CDC14A: variants seen among roughly 807,000 people sequenced by gnomAD.
CDC14A encodes dual specificity protein phosphatase CDC14A.
CDC14A carries 53 observed loss-of-function variants against 74.4 expected under a neutral mutation model. The observed-to-expected ratio is 0.71, with a 90% CI of 0.57 to 0.89. CDC14A has a LOEUF of 0.89. CDC14A is among the 40% of genes least tolerant of loss of function. The probability of loss-of-function intolerance (pLI) is 0.00; values close to 1 mark genes in which losing one functional copy is unlikely to be tolerated. For synonymous variants in CDC14A, 247 were observed against 258.4 expected (o/e 0.96, Z 0.43); for missense variants, 646 against 713.7 (o/e 0.91, Z 1.08).
chr1:100,423,094 TA>T (rs1241122797), intron 4 of CDC14A, among the ~76,000 whole-genome samples: 1 of 152,172 alleles, frequency 6.6e-6, no homozygotes, highest in Non-Finnish European at 1.5e-5. Flanking sequence ...GGCTCAGAAT[TA>T]AAAAATTAAA....
At chr1:100,367,018 A>G (rs1175140058) in intron 2 of CDC14A, among the ~76,000 whole-genome samples, 1 of 152,194 alleles carries the variant, frequency 6.6e-6, no homozygotes, top group African/African-American at 2.4e-5. Context: ...CTGCCAAGAC[A>G]AAGTGGGGAC....
chr1:100,412,722 A>ATT lies in CDC14A; in HGVS notation c.310-11497_310-11496dup, dbSNP rs1334139293. Among the ~76,000 whole-genome samples, 5 of 73,908 alleles carry ATT rather than the reference A, an allele frequency of 6.8e-5. No individual in the cohort carries two copies. The East Asian group carries it at 1.1e-3, about 17-fold the overall frequency. The allele number at this position is 73,908 out of a possible 152,430, so 48.5% of individuals were successfully genotyped here. ...TATATATATATATATATATATATAT[A>ATT]TTTTATATATATATATTTTATATAT... is the stretch of plus-strand genomic sequence containing the variant. On this transcript the variant is annotated intron_variant, in intron 4 of 15. Transcript: ENST00000336454.
intron 15 of CDC14A, among the ~76,000 whole-genome samples, chr1:100,511,388 G>A (rs539604658): frequency 2.6e-4 from 40 of 152,302 alleles, no homozygotes; most frequent in African/African-American, 9.4e-4. Context: ...CTCTCCCGCA[G>A]ATTACTGCCG....
intron 7 of CDC14A, among the ~76,000 whole-genome samples, chr1:100,447,834 G>T (rs778685386): frequency 3.9e-5 from 6 of 152,060 alleles, no homozygotes; most frequent in Non-Finnish European, 8.8e-5. Flanking sequence ...GTTTTTTTGG[G>T]GGGTAGCTGT....
chr1:100,450,686 C>A (rs1666047920), intron 7 of CDC14A, among the ~76,000 whole-genome samples: 1 of 152,206 alleles, frequency 6.6e-6, no homozygotes, highest in African/African-American at 2.4e-5. Flanking sequence ...TCTGTTACAC[C>A]CATTGCTGGT....
intron 4 of CDC14A, among the ~76,000 whole-genome samples, chr1:100,403,795 G>A (rs967537153): frequency 1.3e-5 from 2 of 152,194 alleles, no homozygotes; most frequent in Non-Finnish European, 2.9e-5. Flanking sequence ...CCTGTAGCTA[G>A]GTCAACGTTG....
chr1:100,479,462 T>C (rs998324205), intron 10 of CDC14A, among the ~76,000 whole-genome samples: 3 of 152,216 alleles, frequency 2.0e-5, no homozygotes, highest in Admixed American at 6.5e-5. Context: ...TAGTCCGTTA[T>C]ATTCACTCTG....
chr1:100,412,695 TTTATATATATATATATATATATA>T (rs1660870842), intron 4 of CDC14A, among the ~76,000 whole-genome samples: 1 of 64,268 alleles, frequency 1.6e-5, no homozygotes, highest in African/African-American at 1.2e-4. Context: ...TCCTGTATGT[TTTATATATATATATATATATATA>T]TATATTTTAT....
intron 4 of CDC14A, among the ~76,000 whole-genome samples, chr1:100,412,712 A>ATATTTTATATATATATATATATAT (rs1553178952): frequency 9.8e-6 from 1 of 102,464 alleles, no homozygotes; most frequent in African/African-American, 6.1e-5. Flanking sequence ...ATATATATAT[A>ATATTTTATATATATATATATATAT]TATATATATA....
chr1:100,349,012 T>C (rs982540642), upstream of CDC14A, among the ~76,000 whole-genome samples: 3 of 152,152 alleles, frequency 2.0e-5, no homozygotes, highest in Admixed American at 6.6e-5. Flanking sequence ...CTGGCCAACA[T>C]AGTGAAATCC....
At chr1:100,483,180 A>G (rs1488459940) in intron 10 of CDC14A, among the ~76,000 whole-genome samples, 1 of 152,058 alleles carries the variant, frequency 6.6e-6, no homozygotes, top group African/African-American at 2.4e-5. Context: ...GCTTTCCACA[A>G]TGGTTGAACT....
At chr1:100,364,947 C>A (rs1364750551) in intron 2 of CDC14A, among the ~76,000 whole-genome samples, 1 of 152,198 alleles carries the variant, frequency 6.6e-6, no homozygotes, top group Non-Finnish European at 1.5e-5. Flanking sequence ...CAGCAGCTGA[C>A]ACCTGACCTG....
At chr1:100,356,767 T>C (rs1445357201) in intron 2 of CDC14A, among the ~76,000 whole-genome samples, 3 of 150,456 alleles carry the variant, frequency 2.0e-5, no homozygotes, top group Non-Finnish European at 2.9e-5. Flanking sequence ...GGCAGGAGAA[T>C]TGCTTGAACC....
chr1:100,390,036 T>C (rs1275104712), intron 3 of CDC14A, among the ~76,000 whole-genome samples: 1 of 152,232 alleles, frequency 6.6e-6, no homozygotes, highest in African/African-American at 2.4e-5. Context: ...GTGTACAACA[T>C]ACCATGTTGA....
At chr1:100,491,542 C>CTATATA (rs1670633217) in intron 11 of CDC14A, among the ~76,000 whole-genome samples, 6 of 40,988 alleles carry the variant, frequency 1.5e-4, no homozygotes, top group Admixed American at 2.6e-4. Flanking sequence ...CTCTCTCTCT[C>CTATATA]TCTCTCTATA....
intron 15 of CDC14A, among the ~76,000 whole-genome samples, chr1:100,514,494 G>T (rs1165063725): frequency 6.6e-6 from 1 of 151,988 alleles, no homozygotes; most frequent in Admixed American, 6.6e-5. Flanking sequence ...TCTATGTTAG[G>T]GTGATAGAGA....
At position 100,485,276 on chromosome 1, in the gene CDC14A, C is replaced by G. The variant is rs958362; in HGVS notation, c.1137+825C>G. ...TTGTTTAGTAGTGGGGCCACTTTGA[C>G]AACTGGGCATTCAATTCCTAGTTTA... On this transcript the variant is annotated intron_variant, in intron 11 of 15. Coordinates refer to ENST00000336454, the MANE Select transcript of CDC14A (RefSeq NM_003672.4). 0.012 allele frequency: 11,915 copies of G among 985,158 alleles called. 1,051 individuals are homozygous for G. The African/African-American group carries it at 0.19, about 16-fold the overall frequency. 61.0% of individuals were successfully genotyped at this position (985,158 alleles called of 1,614,324 possible).
chr1:100,447,936 T>C (rs1434651567), intron 7 of CDC14A, among the ~76,000 whole-genome samples: 2 of 152,218 alleles, frequency 1.3e-5, no homozygotes, highest in Non-Finnish European at 2.9e-5. Flanking sequence ...TTTGAAGTTA[T>C]GTCTCTAGTT....
chr1:100,467,530 T>A (rs1667964247), intron 9 of CDC14A, among the ~76,000 whole-genome samples: 1 of 152,198 alleles, frequency 6.6e-6, no homozygotes, highest in Non-Finnish European at 1.5e-5. Flanking sequence ...CCTATAACTT[T>A]CCCTGTGACC....
Sources: gnomAD v4.1 joint callset for allele counts (sites outside exome capture counted in the v4.1 genomes callset) on GRCh38, gnomAD v4.1.1 for gene constraint, MANE v1.5 for transcripts, NCBI Gene and HGNC (gene_info 2026-07-23, HGNC 2026-07-21) for gene names.